The following COL25A1 variants were observed in gnomAD, a reference collection of about 807,000 sequenced individuals.
COL25A1 encodes collagen type XXV alpha 1 chain.
A neutral mutation model predicts 128.4 loss-of-function variants in COL25A1; 103 were observed. The observed-to-expected ratio is 0.80, with a 90% confidence interval of 0.68 to 0.94. The LOEUF (loss-of-function observed/expected upper bound fraction) is 0.94, where lower values mean the gene tolerates loss of function less well. Ranked by LOEUF, COL25A1 falls within the 40% of genes least tolerant of loss-of-function variation. The pLI, the probability that COL25A1 is intolerant of heterozygous loss-of-function variation, is 0.00. For synonymous variants in COL25A1, 279 were observed against 277.2 expected (o/e 1.01, Z -0.06); for missense variants, 745 against 840.0 (o/e 0.89, Z 1.40).
At chr4:108,857,404 T>C (rs928105639) in intron 24 of COL25A1, among the ~76,000 whole-genome samples, 1 of 152,076 alleles carries the variant, frequency 6.6e-6, no homozygotes, top group South Asian at 2.1e-4. Context: ...CAGAGGCCAC[T>C]ACTTACATCG....
intron 22 of COL25A1, 69 bp from the exon 23 acceptor site, chr4:108,861,040 T>G (rs927862002): frequency 1.6e-5 from 22 of 1,341,442 alleles, no homozygotes; most frequent in Middle Eastern, 3.6e-4. Flanking sequence ...TGTAAGAACA[T>G]GTTTATGCCA....
chr4:108,839,433 GT>G (rs1010945915), intron 31 of COL25A1, among the ~76,000 whole-genome samples: 2 of 152,190 alleles, frequency 1.3e-5, no homozygotes, highest in African/African-American at 4.8e-5. Flanking sequence ...ATGTGTTGGT[GT>G]TGGTAAGACA....
At chr4:109,051,638 C>CACACACAT (rs2125944735) in intron 3 of COL25A1, among the ~76,000 whole-genome samples, 1 of 151,898 alleles carries the variant, frequency 6.6e-6, no homozygotes, top group East Asian at 1.9e-4. Flanking sequence ...CACACACACA[C>CACACACAT]ACACACACAC....
At position 108,918,159 on chromosome 4, in the gene COL25A1, C is replaced by T; in HGVS notation, c.780+13G>A. On this transcript the variant is annotated intron_variant, in intron 13 of 37. Coordinates refer to ENST00000399132, the MANE Select transcript of COL25A1 (RefSeq NM_198721.4). ...CAAATTATTTTTAAAATACAATATT[C>T]TATAGAACTCACCTTTTGCCCATTC... 6.4e-7 allele frequency: 1 copy of T among 1,562,444 alleles called. No individual in the cohort carries two copies. Among genetic ancestry groups the T allele is most frequent in the Non-Finnish European group, 8.8e-7 (1 of 1,140,772 alleles).
intron 5 of COL25A1, among the ~76,000 whole-genome samples, chr4:109,044,806 G>A (rs948464063): frequency 1.3e-5 from 2 of 152,136 alleles, no homozygotes; most frequent in Non-Finnish European, 2.9e-5. Flanking sequence ...TGAGGAGATA[G>A]TTGAATAATG....
intron 18 of COL25A1, among the ~76,000 whole-genome samples, chr4:108,886,492 G>GTGTGTGTTTTT (rs58157157): frequency 8.2e-5 from 9 of 109,240 alleles, no homozygotes; most frequent in South Asian, 2.6e-4. Context: ...GTGTGTGTGT[G>GTGTGTGTTTTT]TTTAGCTCAT....
rs1169690485 is a variant in COL25A1 at position 108,808,929 on chromosome 4, A to G, written c.*4998T>C. 2 of 152,212 alleles carry G rather than the reference A, an allele frequency of 1.3e-5. No homozygotes were observed. Among genetic ancestry groups the G allele is most frequent in the African/African-American group, 4.8e-5 (2 of 41,470 alleles). 9.4% of individuals were successfully genotyped at this position (152,212 alleles called of 1,614,324 possible). A position where few individuals can be genotyped will look rare whatever the true frequency, so the allele number is the denominator to read the frequency against. ...AAAAACAAACTGGAAACTGAACACA[A>G]TGCAATTATCTCCAAACCGCAAATC... On this transcript the variant is annotated 3_prime_UTR_variant, in exon 38 of 38. Coordinates refer to ENST00000399132, the MANE Select transcript of COL25A1 (RefSeq NM_198721.4).
chr4:109,294,823 C>T (rs1003163313), intron 3 of COL25A1, among the ~76,000 whole-genome samples: 2 of 152,016 alleles, frequency 1.3e-5, no homozygotes, highest in African/African-American at 4.8e-5. Flanking sequence ...TGTGAGGTTC[C>T]CTGAAACAGG....
At position 109,126,445 on chromosome 4, in the gene COL25A1, A is replaced by C. The variant is rs144224619; in HGVS notation, c.368-76266T>G. Among the ~76,000 whole-genome samples the C allele has an allele frequency of 2.0e-5, 3 of 152,304 alleles. No homozygotes were observed. The East Asian group carries it at 5.8e-4, about 29-fold the overall frequency. On this transcript the variant is annotated intron_variant, in intron 3 of 37. Transcript: ENST00000399132. ...GAGATCAAGAACTTGGGAAAATTTC[A>C]TTACCATATCACCATGTCACATACT...
At chr4:109,247,752 T>C (rs1780370235) in intron 3 of COL25A1, among the ~76,000 whole-genome samples, 1 of 152,160 alleles carries the variant, frequency 6.6e-6, no homozygotes, top group Non-Finnish European at 1.5e-5. Context: ...AAAACATGTG[T>C]CTTCAACTCA....
chr4:109,289,562 A>G (rs180862191), intron 3 of COL25A1, among the ~76,000 whole-genome samples: 1 of 152,252 alleles, frequency 6.6e-6, no homozygotes, highest in Admixed American at 6.6e-5. Flanking sequence ...GAATATAGCT[A>G]TCACCCAGGA....
chr4:108,897,870 T>G (rs958633913), intron 15 of COL25A1, among the ~76,000 whole-genome samples: 1 of 152,178 alleles, frequency 6.6e-6, no homozygotes, highest in Non-Finnish European at 1.5e-5. Context: ...GCCTGGGCAT[T>G]TGTTTATGGT....
chr4:108,894,997 C>G (rs1463612393), intron 16 of COL25A1, among the ~76,000 whole-genome samples: 1 of 152,000 alleles, frequency 6.6e-6, no homozygotes, highest in Non-Finnish European at 1.5e-5. Context: ...TGAGTAGAGG[C>G]CAAAAATGAT....
At chr4:108,827,931 A>C (rs1193876551) in intron 32 of COL25A1, among the ~76,000 whole-genome samples, 1 of 152,090 alleles carries the variant, frequency 6.6e-6, no homozygotes. Flanking sequence ...ACACCAGAAG[A>C]CCCATAAAGC....
intron 15 of COL25A1, 60 bp from the exon 16 acceptor site, chr4:108,896,771 T>C: frequency 7.0e-7 from 1 of 1,425,178 alleles, no homozygotes; most frequent in Non-Finnish European, 9.9e-7. Flanking sequence ...CAGATAATAT[T>C]TTTCATTATT....
chr4:108,934,572 A>G (rs1300667941), intron 11 of COL25A1, among the ~76,000 whole-genome samples: 3 of 152,212 alleles, frequency 2.0e-5, no homozygotes, highest in African/African-American at 7.2e-5. Flanking sequence ...TCTCTTTGAT[A>G]TGAGTTAAAA....
intron 6 of COL25A1, among the ~76,000 whole-genome samples, chr4:109,003,110 A>G (rs1755614650): frequency 6.6e-6 from 1 of 152,226 alleles, no homozygotes; most frequent in Non-Finnish European, 1.5e-5. Context: ...TCCAAAATTG[A>G]CAAATGGGAC....
At chr4:109,223,571 C>T (rs1778574235) in intron 3 of COL25A1, among the ~76,000 whole-genome samples, 1 of 152,012 alleles carries the variant, frequency 6.6e-6, no homozygotes, top group Non-Finnish European at 1.5e-5. Context: ...TGAGTGGGGA[C>T]ATCTCCCCCA....
chr4:108,931,632 A>G (rs1419263945), intron 11 of COL25A1, among the ~76,000 whole-genome samples: 1 of 152,186 alleles, frequency 6.6e-6, no homozygotes, highest in Non-Finnish European at 1.5e-5. Flanking sequence ...GGTGACCTTT[A>G]GACACCTCTG....
Sources: allele counts gnomAD v4.1 joint callset (sites outside exome capture counted in the v4.1 genomes callset), GRCh38; gene constraint gnomAD v4.1.1; transcripts MANE v1.5; gene names NCBI Gene and HGNC (gene_info 2026-07-23, HGNC 2026-07-21).